FNDC3B: variants seen among roughly 807,000 people sequenced by gnomAD.
FNDC3B encodes fibronectin type III domain-containing protein 3B.
A neutral mutation model predicts 151.5 loss-of-function variants in FNDC3B; 12 were observed. That is an observed-to-expected ratio of 0.08 (90% CI 0.05 to 0.13). FNDC3B has a LOEUF of 0.13. Among genes scored for constraint, FNDC3B ranks in the 10% least tolerant of loss-of-function variants. The pLI is 1.00. For missense variants in FNDC3B, 1,214 were observed against 1,505.3 expected (o/e 0.81, Z 3.20); for synonymous variants, 528 against 549.0 (o/e 0.96, Z 0.54).
At chr3:172,346,495 A>T (rs1282052150) in intron 20 of FNDC3B, 55 bp downstream of exon 20, 2 of 1,072,672 alleles carry the variant, frequency 1.9e-6, no homozygotes, top group Non-Finnish European at 2.8e-6. Flanking sequence ...ACTCCCAAAT[A>T]CAAATACCAA....
At chr3:172,383,979 C>T (rs1188251995) in intron 25 of FNDC3B, among the ~76,000 whole-genome samples, 1 of 148,530 alleles carries the variant, frequency 6.7e-6, no homozygotes. Context: ...AAATAAATGC[C>T]ACCTGTTCTC....
intron 2 of FNDC3B, among the ~76,000 whole-genome samples, chr3:172,120,248 T>C (rs953045497): frequency 1.3e-5 from 2 of 152,166 alleles, no homozygotes; most frequent in African/African-American, 4.8e-5. Context: ...ATGCTAGAAA[T>C]TGAGCTGCCC....
intron 6 of FNDC3B, among the ~76,000 whole-genome samples, chr3:172,266,935 G>T (rs1440410503): frequency 6.6e-6 from 1 of 152,132 alleles, no homozygotes; most frequent in Non-Finnish European, 1.5e-5. Context: ...GGCTGAGCCA[G>T]CCCATTTGGC....
intron 2 of FNDC3B, among the ~76,000 whole-genome samples, chr3:172,129,948 G>A (rs77581828): frequency 0.02 from 3,102 of 151,448 alleles, 106 homozygotes; most frequent in African/African-American, 0.07. Context: ...TTATATTAAG[G>A]AGGACTTGTA....
At chr3:172,050,464 A>G (rs1576817468) in intron 1 of FNDC3B, among the ~76,000 whole-genome samples, 1 of 151,612 alleles carries the variant, frequency 6.6e-6, no homozygotes, top group East Asian at 1.9e-4. Context: ...GCTCACTGCA[A>G]CCTCCGTCTC....
At chr3:172,055,407 T>C (rs1412107831) in intron 1 of FNDC3B, among the ~76,000 whole-genome samples, 1 of 152,192 alleles carries the variant, frequency 6.6e-6, no homozygotes, top group East Asian at 1.9e-4. Flanking sequence ...TTAGAAAACA[T>C]AGCTTTTTAG....
At chr3:172,108,775 A>G (rs1719808507) in intron 1 of FNDC3B, among the ~76,000 whole-genome samples, 1 of 152,252 alleles carries the variant, frequency 6.6e-6, no homozygotes, top group Admixed American at 6.5e-5. Flanking sequence ...GGGAATAACC[A>G]AAAAGATACT....
At chr3:172,314,414 C>T (rs1477851660) in intron 11 of FNDC3B, among the ~76,000 whole-genome samples, 1 of 152,212 alleles carries the variant, frequency 6.6e-6, no homozygotes, top group Admixed American at 6.5e-5. Flanking sequence ...AGGCATAGCA[C>T]TCTTCCCTGT....
chr3:172,041,411 CTCCTTCCTTCCTTCCTTCCTTCCT>C (rs10530673), intron 1 of FNDC3B, among the ~76,000 whole-genome samples: 3,618 of 138,976 alleles, frequency 0.026, 149 homozygotes, highest in African/African-American at 0.092. Flanking sequence ...CTCCTTCTCT[CTCCTTCCTTCCTTCCTTCCTTCCT>C]TCCTTCCTTC....
rs1037630090 is a variant in FNDC3B at position 172,362,914 on chromosome 3, A to T, written c.3008+69A>T. 61 of 1,252,940 alleles carry T rather than the reference A, an allele frequency of 4.9e-5. No homozygotes were observed. In the African/African-American group the frequency reaches 8.7e-4, roughly 18 times the overall value. 77.6% of individuals were successfully genotyped at this position (1,252,940 alleles called of 1,614,324 possible). A position where few individuals can be genotyped will look rare whatever the true frequency, so the allele number is the denominator to read the frequency against. The stretch of plus-strand genomic sequence containing the variant: ...GCTTGTGGGATGAAATCTCAATTGT[A>T]CATTTTTATTTGCTTGCACTAAGAC... On this transcript the variant is annotated intron_variant, in intron 23 of 25. Coordinates refer to ENST00000415807, the MANE Select transcript of FNDC3B (RefSeq NM_022763.4).
rs1023856499 is a variant in FNDC3B at position 172,220,536 on chromosome 3, A to G, written c.188-6335A>G. On this transcript the variant is annotated intron_variant, in intron 3 of 25. Coordinates refer to ENST00000415807, the MANE Select transcript of FNDC3B (RefSeq NM_022763.4). ...TTCTAATTTTGATGAAGTTCATTTT[A>G]TCTGTCTTTTGTTGCTTGTACTTTT... Among the ~76,000 whole-genome samples, 4 of 152,108 alleles carry G rather than the reference A, an allele frequency of 2.6e-5. No homozygotes were observed. In the East Asian group the frequency reaches 7.7e-4, roughly 29 times the overall value.
chr3:172,113,971 C>T (rs1345461078), intron 2 of FNDC3B, among the ~76,000 whole-genome samples: 1 of 152,208 alleles, frequency 6.6e-6, no homozygotes, highest in Non-Finnish European at 1.5e-5. Flanking sequence ...GGACCCCGTG[C>T]CGTCATCTCA....
intron 1 of FNDC3B, among the ~76,000 whole-genome samples, chr3:172,043,527 A>G (rs917442272): frequency 6.6e-6 from 1 of 151,806 alleles, no homozygotes; most frequent in Non-Finnish European, 1.5e-5. Context: ...TATTATTATT[A>G]TTGTTTTTTT....
intron 1 of FNDC3B, among the ~76,000 whole-genome samples, chr3:172,080,140 C>T (rs962854933): frequency 5.3e-5 from 8 of 152,200 alleles, no homozygotes; most frequent in Admixed American, 6.5e-5. Context: ...TCATTAATTG[C>T]CTTGTATCCA....
intron 9 of FNDC3B, among the ~76,000 whole-genome samples, chr3:172,300,281 T>G (rs1402926007): frequency 6.6e-6 from 1 of 152,256 alleles, no homozygotes; most frequent in Non-Finnish European, 1.5e-5. Context: ...ATGTTATCTA[T>G]TATTCATTGT....
intron 3 of FNDC3B, among the ~76,000 whole-genome samples, chr3:172,208,429 A>G (rs912054558): frequency 6.6e-6 from 1 of 152,192 alleles, no homozygotes; most frequent in African/African-American, 2.4e-5. Flanking sequence ...TGAGCAGGTT[A>G]GGGGGCATGA....
At position 172,398,479 on chromosome 3, in the gene FNDC3B, T is replaced by C. The variant is rs1471538171; in HGVS notation, c.*1004T>C. On this transcript the variant is annotated 3_prime_UTR_variant, in exon 26 of 26. Coordinates refer to ENST00000415807, the MANE Select transcript of FNDC3B (RefSeq NM_022763.4). ...GTTCTTTGAGGTATCAATGAAGTGA[T>C]TGAATTTCAATACCTTAATTCAGTG... The C allele has an allele frequency of 2.0e-5, 3 of 152,360 alleles. No individual in the cohort carries two copies. Among genetic ancestry groups the C allele is most frequent in the South Asian group, 4.1e-4 (2 of 4,834 alleles). The allele number at this position is 152,360 out of a possible 1,614,324, so 9.4% of individuals were successfully genotyped here.
chr3:172,381,355 G>A (rs1391096495), intron 25 of FNDC3B, among the ~76,000 whole-genome samples: 1 of 152,054 alleles, frequency 6.6e-6, no homozygotes. Context: ...ATTTGTATTT[G>A]ACATTGATGG....
At chr3:172,333,007 C>A in intron 13 of FNDC3B, 82 bp from the exon 14 acceptor site, 1 of 861,286 alleles carries the variant, frequency 1.2e-6, no homozygotes. Context: ...TAGGGAAAGG[C>A]AGTATAAAAA....
Sources: allele counts gnomAD v4.1 joint callset (sites outside exome capture counted in the v4.1 genomes callset), GRCh38; gene constraint gnomAD v4.1.1; transcripts MANE v1.5; gene names NCBI Gene and HGNC (gene_info 2026-07-23, HGNC 2026-07-21).